KANSL1L: variants seen among roughly 807,000 people sequenced by gnomAD.
KANSL1L encodes KAT8 regulatory NSL complex subunit 1-like protein.
A neutral mutation model predicts 108.6 loss-of-function variants in KANSL1L; 25 were observed. The observed-to-expected ratio is 0.23, with a 90% CI of 0.17 to 0.32. The LOEUF (loss-of-function observed/expected upper bound fraction) is 0.32. Among genes scored for constraint, KANSL1L ranks in the 10% least tolerant of loss-of-function variants. KANSL1L has a pLI of 1.00. For missense variants in KANSL1L, 1,137 were observed against 1,125.7 expected (o/e 1.01, Z -0.14); for synonymous variants, 405 against 395.1 (o/e 1.03, Z -0.30).
At chr2:210,031,736 C>T (rs2094019432) in intron 8 of KANSL1L, among the ~76,000 whole-genome samples, 190 bp from the exon 9 acceptor site, 1 of 152,176 alleles carries the variant, frequency 6.6e-6, no homozygotes, top group African/African-American at 2.4e-5. Flanking sequence ...ATATTTTCTC[C>T]ATTTTTTTGA....
At chr2:210,160,037 A>C (rs2095353676) in intron 1 of KANSL1L, among the ~76,000 whole-genome samples, 1 of 152,206 alleles carries the variant, frequency 6.6e-6, no homozygotes, top group Admixed American at 6.5e-5. Flanking sequence ...CTCCGTCTCA[A>C]AAAAAAGAAA....
At position 210,024,298 on chromosome 2, in the gene KANSL1L, G is replaced by A. The variant is rs1193096623; in HGVS notation, c.2565-97C>T. On this transcript the variant is annotated intron_variant, in intron 13 of 14. Transcript: ENST00000281772. ...GGTATCACTGAGTCAAGTTAACTTG[G>A]TAACTTTAAACAGTTTTGCCCAAAG... 5.4e-6 allele frequency: 5 copies of A among 919,720 alleles called. No individual in the cohort carries two copies. In the Admixed American group the frequency reaches 1.4e-4, roughly 25 times the overall value. 57.0% of individuals were successfully genotyped at this position (919,720 alleles called of 1,614,324 possible). A position where few individuals can be genotyped will look rare whatever the true frequency, so the allele number is the denominator to read the frequency against.
intron 3 of KANSL1L, among the ~76,000 whole-genome samples, chr2:210,122,687 C>T (rs1176322958): frequency 2.0e-5 from 3 of 151,938 alleles, no homozygotes; most frequent in Non-Finnish European, 4.4e-5. Context: ...CAAATTAACA[C>T]GTTAACACAT....
Position 210,109,198 on chromosome 2 carries a change from T to TA in KANSL1L, c.1231-4898dup, listed in dbSNP as rs1390372326. Among the ~76,000 whole-genome samples the TA allele has an allele frequency of 3.9e-5, 6 of 152,200 alleles. No homozygotes were observed. In the East Asian group the frequency reaches 1.2e-3, roughly 29 times the overall value. On this transcript the variant is annotated intron_variant, in intron 3 of 14. Transcript: ENST00000281772. ...GTATTCTACTTAAAGTATAATTTTT[T>TA]AAAAAAACAGGTATTACCGAATATA...
intron 5 of KANSL1L, among the ~76,000 whole-genome samples, chr2:210,078,443 A>C (rs1000169193): frequency 5.3e-5 from 8 of 152,206 alleles, no homozygotes; most frequent in African/African-American, 1.9e-4. Flanking sequence ...AGATTCTAAC[A>C]CTTTCTAATT....
intron 3 of KANSL1L, 123 bp from the exon 4 acceptor site, chr2:210,104,424 T>A: frequency 1.5e-6 from 1 of 688,666 alleles, no homozygotes; most frequent in Non-Finnish European, 2.4e-6. Flanking sequence ...AATATAAACT[T>A]GATAGTTTAA....
chr2:210,095,101 C>T (rs1455946604), intron 5 of KANSL1L, among the ~76,000 whole-genome samples: 2 of 152,046 alleles, frequency 1.3e-5, no homozygotes, highest in African/African-American at 2.4e-5. Flanking sequence ...TTTCATGCTA[C>T]TCTTAAGGAA....
intron 8 of KANSL1L, among the ~76,000 whole-genome samples, chr2:210,035,783 T>G (rs2094094372): frequency 6.6e-6 from 1 of 152,144 alleles, no homozygotes; most frequent in Non-Finnish European, 1.5e-5. Context: ...CTGGCCTTAT[T>G]TATAGATATT....
chr2:210,025,049 G>A (rs2093916802), intron 13 of KANSL1L, 55 bp downstream of exon 13: 1 of 1,112,646 alleles, frequency 9.0e-7, no homozygotes, highest in Non-Finnish European at 1.4e-6. Context: ...TCATGCAGAG[G>A]TTTTGTTCAT....
At chr2:210,168,598 G>A (rs1248140922) in intron 1 of KANSL1L, among the ~76,000 whole-genome samples, 1 of 152,030 alleles carries the variant, frequency 6.6e-6, no homozygotes, top group Non-Finnish European at 1.5e-5. Flanking sequence ...ATGAGTAAAG[G>A]AAATGAAATA....
chr2:210,062,130 G>A (rs762852902), intron 6 of KANSL1L, among the ~76,000 whole-genome samples: 5 of 152,102 alleles, frequency 3.3e-5, no homozygotes, highest in Non-Finnish European at 5.9e-5. Context: ...GGGAGGGACC[G>A]GGAGATGTAA....
intron 3 of KANSL1L, among the ~76,000 whole-genome samples, chr2:210,112,694 G>A (rs541677618): frequency 2.1e-3 from 320 of 152,138 alleles, no homozygotes; most frequent in Middle Eastern, 6.8e-3. Context: ...TACATATGAT[G>A]TATAGTGATC....
rs1436009854 is a variant in KANSL1L, at chr2:210,076,169, G to GT, written c.1551-414dup. 6.6e-5 allele frequency among the ~76,000 whole-genome samples: 10 copies of GT among 151,428 alleles called. 1 individual carries two copies. The highest frequency in any genetic ancestry group is 3.9e-4 in the East Asian group (2 of 5,170). On this transcript the variant is annotated intron_variant, in intron 5 of 14. Transcript: ENST00000281772. ...AGTCATCACTCCATTATTAGTTTCT[G>GT]TTTTTTTTGTTTTTTGTTTTTTGTT...
intron 12 of KANSL1L, among the ~76,000 whole-genome samples, chr2:210,025,987 G>A (rs2093931607): frequency 6.6e-6 from 1 of 152,158 alleles, no homozygotes; most frequent in Admixed American, 6.5e-5. Flanking sequence ...CCATTGTGGA[G>A]TACATACTAT....
chr2:210,098,792 ATATTTT>A (rs1399691569), intron 4 of KANSL1L, among the ~76,000 whole-genome samples: 3 of 140,832 alleles, frequency 2.1e-5, no homozygotes, highest in African/African-American at 7.8e-5. Context: ...CTGTTTCTCA[ATATTTT>A]TCCTAATTCA....
intron 6 of KANSL1L, among the ~76,000 whole-genome samples, chr2:210,073,525 T>TAA (rs879519828): frequency 7.0e-6 from 1 of 142,130 alleles, no homozygotes; most frequent in Non-Finnish European, 1.5e-5. Context: ...GCGAGATGTC[T>TAA]AAAAAAAAAA....
chr2:210,040,895 C>T (rs756320888), intron 7 of KANSL1L, among the ~76,000 whole-genome samples: 2 of 152,046 alleles, frequency 1.3e-5, no homozygotes, highest in Non-Finnish European at 2.9e-5. Context: ...AACCTACACC[C>T]AAATCTGGCT....
intron 5 of KANSL1L, among the ~76,000 whole-genome samples, chr2:210,083,820 A>T (rs562936206): frequency 2.2e-5 from 3 of 133,694 alleles, no homozygotes; most frequent in Admixed American, 7.7e-5. Flanking sequence ...ACAGAGTGAG[A>T]CTCCATCTCA....
At chr2:210,080,757 A>G (rs1490397255) in intron 5 of KANSL1L, among the ~76,000 whole-genome samples, 1 of 152,126 alleles carries the variant, frequency 6.6e-6, no homozygotes, top group Non-Finnish European at 1.5e-5. Context: ...TGTCAAACAT[A>G]AATTTGTATC....
Sources: allele counts gnomAD v4.1 joint callset (sites outside exome capture counted in the v4.1 genomes callset), GRCh38; gene constraint gnomAD v4.1.1; transcripts MANE v1.5; gene names NCBI Gene and HGNC (gene_info 2026-07-23, HGNC 2026-07-21).